The following TIMELESS variants were observed in gnomAD, a reference collection of about 807,000 sequenced individuals.
TIMELESS encodes protein timeless homolog.
TIMELESS carries 124 observed loss-of-function variants against 164.3 expected under a neutral mutation model. The ratio of observed to expected loss-of-function variants is 0.75; its 90% CI spans 0.65 to 0.88. TIMELESS has a LOEUF of 0.88. Ranked by LOEUF, TIMELESS falls within the 40% of genes least tolerant of loss-of-function variation. TIMELESS has a pLI of 0.00. For synonymous variants in TIMELESS, 564 were observed against 563.4 expected (o/e 1.00, Z -0.02); for missense variants, 1,422 against 1,491.4 (o/e 0.95, Z 0.77).
At chr12:56,433,464 TC>T (rs1881963553) in intron 4 of TIMELESS, 21 bp from the exon 5 acceptor site, 1 of 1,614,018 alleles carries the variant, frequency 6.2e-7, no homozygotes, top group Non-Finnish European at 8.5e-7. Context: ...GGGAACCTGA[TC>T]TTAAGTAGCA....
Position 56,422,872 on chromosome 12 carries a change from C to T in TIMELESS, c.2413G>A (p.Glu805Lys). The T allele has an allele frequency of 6.2e-7, 1 of 1,609,326 alleles. No homozygotes were observed. The highest frequency in any genetic ancestry group is 8.5e-7 in the Non-Finnish European group (1 of 1,177,788). Residue 805 changes from glutamate (E) to lysine (K), a missense_variant, in exon 19 of 29, where the codon GAG (glutamate) becomes AAG (lysine). By Grantham distance (56) the Glu-to-Lys change is moderately conservative (BLOSUM62 1). Transcript: ENST00000553532. ...CTGTCATCCAGGGAGCCATAGCCCT[C>T]AGTCATCTCTCGAACCACAGCTGTG... ...KNTAVVREMT[E>K]GYGSLDDRSS... is the part of the protein sequence containing the mutation.
intron 1 of TIMELESS, among the ~76,000 whole-genome samples, chr12:56,439,034 C>T (rs1340813650): frequency 7.9e-5 from 12 of 151,104 alleles, no homozygotes; most frequent in African/African-American, 2.2e-4. Context: ...GGCATGGTGG[C>T]GGGCGCCTGT....
At chr12:56,428,522 G>C (rs1343300903) in intron 12 of TIMELESS, 27 bp downstream of exon 12, 1 of 1,611,490 alleles carries the variant, frequency 6.2e-7, no homozygotes, top group Non-Finnish European at 8.5e-7. Flanking sequence ...GGACAGGCTG[G>C]GATCGGGGAC....
rs752889800 is a variant in TIMELESS at position 56,422,948 on chromosome 12, T to G, written c.2337A>C (p.Ala779=). 8 of 1,613,850 alleles carry G rather than the reference T, an allele frequency of 5.0e-6. No homozygotes were observed. The highest frequency in any genetic ancestry group is 2.7e-5 in the African/African-American group (2 of 74,910). Residue 779 remains alanine, a synonymous_variant, in exon 19 of 29, where the codon GCA becomes GCC. Transcript: ENST00000553532. ...AGGCTTTTTGGTTGACTGCAGCCAG[T>G]GCAAAAAATTTGCCCAGGATGTATT... ...FAKYILGKFF[A]LAAVNQKAFV... is the part of the protein sequence containing the mutation.
chr12:56,417,578 TA>T lies in TIMELESS; in HGVS notation c.*137del. The T allele has an allele frequency of 1.2e-6, 1 of 805,400 alleles. No homozygotes were observed. The highest frequency in any genetic ancestry group is 2.0e-6 in the Non-Finnish European group (1 of 495,534). 49.9% of individuals were successfully genotyped at this position (805,400 alleles called of 1,614,324 possible). ...ATACTGCTGCTGAAGTTTCTCAGCCTAAATCCGTGAAAGAGCCTGGGATTCT... is the reference window on the plus strand; with the variant it reads ...ATACTGCTGCTGAAGTTTCTCAGCCTAATCCGTGAAAGAGCCTGGGATTCT... On this transcript the variant is annotated 3_prime_UTR_variant, in exon 29 of 29. Coordinates refer to ENST00000553532, the MANE Select transcript of TIMELESS (RefSeq NM_003920.5).
intron 1 of TIMELESS, among the ~76,000 whole-genome samples, chr12:56,443,396 G>C (rs549593080): frequency 2.6e-5 from 4 of 152,162 alleles, no homozygotes; most frequent in Admixed American, 1.3e-4. Context: ...GGCTTACTAG[G>C]ATTGGGAAAT....
At chr12:56,431,375 CTA>C in intron 8 of TIMELESS, 94 bp downstream of exon 8, 1 of 921,562 alleles carries the variant, frequency 1.1e-6, no homozygotes, top group Non-Finnish European at 1.6e-6. Flanking sequence ...AAAAAAAACA[CTA>C]AAATGTTGTT....
Position 56,421,772 on chromosome 12 carries a change from C to T in TIMELESS, c.2680G>A (p.Glu894Lys), listed in dbSNP as rs1293974671. ...TCAAAAAGCCGCTGCAGCTCCAACT[C>T]CTGATCCCCCGTCCACAGTACAATA... ...THIVLWTGDQ[E>K]LELQRLFEEF... Residue 894 changes from glutamate (E) to lysine (K), a missense_variant, in exon 22 of 29, where the codon GAG (glutamate) becomes AAG (lysine). Physicochemically the swap from Glu to Lys is moderately conservative, Grantham distance 56 (BLOSUM62 1). Transcript: ENST00000553532. 3.1e-6 allele frequency: 5 copies of T among 1,614,084 alleles called. No individual in the cohort carries two copies. The African/African-American group carries it at 6.7e-5, about 22-fold the overall frequency.
intron 13 of TIMELESS, among the ~76,000 whole-genome samples, chr12:56,426,256 C>T (rs1201523971): frequency 6.6e-6 from 1 of 152,092 alleles, no homozygotes; most frequent in Non-Finnish European, 1.5e-5. Context: ...ACAGATAATA[C>T]CACAGAGCTC....
chr12:56,423,175 C>A, intron 18 of TIMELESS, 99 bp downstream of exon 18: 2 of 1,472,080 alleles, frequency 1.4e-6, no homozygotes, highest in Non-Finnish European at 9.2e-7. Flanking sequence ...CATCTCCCAG[C>A]CCTTGACACC....
chr12:56,418,450 T>G (rs1446912027), intron 26 of TIMELESS, 91 bp from the exon 27 acceptor site: 3 of 865,666 alleles, frequency 3.5e-6, no homozygotes, highest in Non-Finnish European at 5.4e-6. Context: ...CCAATATTGG[T>G]GAAGATCCAC....
intron 1 of TIMELESS, among the ~76,000 whole-genome samples, chr12:56,446,322 C>T (rs1868349054): frequency 1.3e-5 from 2 of 152,190 alleles, no homozygotes; most frequent in South Asian, 4.1e-4. Flanking sequence ...ACTAGGGGAT[C>T]TAGGATAGGA....
At chr12:56,418,858 C>T (rs890722624) in intron 26 of TIMELESS, among the ~76,000 whole-genome samples, 2 of 151,256 alleles carry the variant, frequency 1.3e-5, no homozygotes, top group Admixed American at 6.6e-5. Flanking sequence ...TGAGCCACTA[C>T]ACCTGGCTAT....
chr12:56,439,469 C>T (rs376860264), intron 1 of TIMELESS, among the ~76,000 whole-genome samples: 22 of 151,548 alleles, frequency 1.5e-4, no homozygotes, highest in East Asian at 7.8e-4. Context: ...AATCATGACT[C>T]GCTATAGCCT....
chr12:56,446,291 T>A (rs988440120), intron 1 of TIMELESS, among the ~76,000 whole-genome samples: 1 of 152,210 alleles, frequency 6.6e-6, no homozygotes, highest in Non-Finnish European at 1.5e-5. Flanking sequence ...ATAAGAAACT[T>A]CATAGTGATC....
At chr12:56,440,059 T>C (rs953189046) in intron 1 of TIMELESS, among the ~76,000 whole-genome samples, 1 of 152,016 alleles carries the variant, frequency 6.6e-6, no homozygotes, top group African/African-American at 2.4e-5. Context: ...AATCAATACT[T>C]GGAGGCATTA....
intron 13 of TIMELESS, 109 bp from the exon 14 acceptor site, chr12:56,425,261 T>G: frequency 7.8e-7 from 1 of 1,279,116 alleles, no homozygotes; most frequent in Non-Finnish European, 1.1e-6. Flanking sequence ...AGAGTGCCCA[T>G]TATCTGCTAT....
In TIMELESS at chr12:56,416,748, C is replaced by T. The variant is rs1881273756; in HGVS notation, c.*968G>A. The T allele has an allele frequency of 1.3e-5, 2 of 148,904 alleles. No homozygotes were observed. Among genetic ancestry groups the T allele is most frequent in the Non-Finnish European group, 3.0e-5 (2 of 67,524 alleles). The allele number at this position is 148,904 out of a possible 1,614,324, so 9.2% of individuals were successfully genotyped here. A position where few individuals can be genotyped will look rare whatever the true frequency, so the allele number is the denominator to read the frequency against. On this transcript the variant is annotated 3_prime_UTR_variant, in exon 29 of 29. Transcript: ENST00000553532. ...TTTTTTTTTTTCTTTTTTTTTGAGA[C>T]AGAGTCTTGCTCTGTCGCCCAGGCA... is the stretch of plus-strand genomic sequence containing the variant.
intron 1 of TIMELESS, among the ~76,000 whole-genome samples, chr12:56,442,542 C>T (rs1868290503): frequency 6.6e-6 from 1 of 152,196 alleles, no homozygotes; most frequent in Non-Finnish European, 1.5e-5. Context: ...ACTACTGTAT[C>T]ACTATATACA....
Sources: gnomAD v4.1 joint callset for allele counts (sites outside exome capture counted in the v4.1 genomes callset) on GRCh38, gnomAD v4.1.1 for gene constraint, MANE v1.5 for transcripts, NCBI Gene and HGNC (gene_info 2026-07-23, HGNC 2026-07-21) for gene names.